AHNAK: variants seen among roughly 807,000 people sequenced by gnomAD.
AHNAK encodes the protein AHNAK nucleoprotein.
A neutral mutation model predicts 37.8 loss-of-function variants in AHNAK; 23 were observed. The observed-to-expected ratio is 0.61, with a 90% CI of 0.44 to 0.86. The LOEUF is 0.86. Ranked by LOEUF, AHNAK falls within the 40% of genes least tolerant of loss-of-function variation. The pLI, the probability that AHNAK is intolerant of heterozygous loss-of-function variation, is 0.00. For missense variants in AHNAK, 7,411 were observed against 7,319.4 expected (o/e 1.01, Z -0.46); for synonymous variants, 2,481 against 2,636.3 (o/e 0.94, Z 1.80).
intron 5 of AHNAK, among the ~76,000 whole-genome samples, chr11:62,482,375 A>G (rs1250045558): frequency 6.6e-6 from 1 of 151,682 alleles, no homozygotes; most frequent in Non-Finnish European, 1.5e-5. Context: ...AGATCGCGCC[A>G]CTGCACTCCA....
At chr11:62,462,503 A>T (rs370749910) in intron 5 of AHNAK, among the ~76,000 whole-genome samples, 2 of 152,304 alleles carry the variant, frequency 1.3e-5, no homozygotes, top group East Asian at 3.9e-4. Flanking sequence ...CCTCAAAAGC[A>T]GCCAAGCACA....
In AHNAK at chr11:62,475,697, T is replaced by C. The variant is rs184189563; in HGVS notation, c.442+16035A>G. On this transcript the variant is annotated intron_variant, in intron 5 of 5. Transcript: ENST00000257247. Reference sequence around the variant, plus strand: ...TCAGCTCACCGAAACCTCTGCCTTCTGGTCTCAGGTGATTCTCCTGCCCCA... The same window carrying C: ...TCAGCTCACCGAAACCTCTGCCTTCCGGTCTCAGGTGATTCTCCTGCCCCA... Among the ~76,000 whole-genome samples the C allele has an allele frequency of 2.1e-3, 312 of 146,766 alleles. 1 individual carries two copies. The highest frequency in any genetic ancestry group is 7.6e-3 in the African/African-American group (302 of 39,596).
In AHNAK at chr11:62,533,419, G is replaced by A. The variant is rs1264138746; in HGVS notation, c.998C>T (p.Ala333Val). ...CTTGTGCCCCACAGAGACTTCAGGTGCAGAAACCCTCAGCCCTGCCTTTGG... is the reference window on the plus strand; with the variant it reads ...CTTGTGCCCCACAGAGACTTCAGGTACAGAAACCCTCAGCCCTGCCTTTGG... ...QTPKAGLRVS[A>V]PEVSVGHKGG... The change falls in exon 5 of 5, where the codon GCA becomes GTA. Residue 333 changes from alanine to valine, a missense_variant. Physicochemically the swap from Ala to Val is moderately conservative, Grantham distance 64. Transcript: ENST00000378024. The A allele has an allele frequency of 6.2e-7, 1 of 1,610,518 alleles. No individual in the cohort carries two copies. Among genetic ancestry groups the A allele is most frequent in the Non-Finnish European group, 8.5e-7 (1 of 1,178,024 alleles).
intron 5 of AHNAK, among the ~76,000 whole-genome samples, chr11:62,444,144 C>T (rs1330694945): frequency 6.6e-6 from 1 of 152,212 alleles, no homozygotes; most frequent in Non-Finnish European, 1.5e-5. Flanking sequence ...CACCCGGCCT[C>T]GTAACAACCC....
At chr11:62,540,679 AAAG>A (rs1941093522) in intron 1 of AHNAK, among the ~76,000 whole-genome samples, 1 of 152,224 alleles carries the variant, frequency 6.6e-6, no homozygotes, top group Non-Finnish European at 1.5e-5. Flanking sequence ...TTAAATAAAA[AAAG>A]AAGGAGCAGG....
At chr11:62,489,146 C>G (rs1443890455) in intron 5 of AHNAK, among the ~76,000 whole-genome samples, 3 of 151,156 alleles carry the variant, frequency 2.0e-5, no homozygotes, top group Non-Finnish European at 4.4e-5. Flanking sequence ...GAGGCTGAGG[C>G]AGGAGGATTG....
At chr11:62,485,969 CGA>C (rs1311678266) in intron 5 of AHNAK, among the ~76,000 whole-genome samples, 2 of 144,918 alleles carry the variant, frequency 1.4e-5, no homozygotes, top group Non-Finnish European at 3.0e-5. Context: ...TGCAGTGAGC[CGA>C]GATTGCACCA....
chr11:62,478,037 A>G, intron 5 of AHNAK, among the ~76,000 whole-genome samples: 1 of 152,108 alleles, frequency 6.6e-6, no homozygotes, highest in South Asian at 2.1e-4. Flanking sequence ...AGCAAAGGGA[A>G]GTCAGGTGGA....
Position 62,533,426 on chromosome 11 carries a change from C to A in AHNAK, c.991G>T (p.Val331Phe). 1 of 1,611,786 alleles carries A rather than the reference C, an allele frequency of 6.2e-7. No homozygotes were observed. The highest frequency in any genetic ancestry group is 1.1e-5 in the South Asian group (1 of 90,646). The change falls in exon 5 of 5, where the codon GTT (valine) becomes TTT (phenylalanine). Residue 331 changes from valine (V) to phenylalanine (F), a missense_variant. Val to Phe is a conservative substitution (Grantham distance 50). Coordinates refer to ENST00000378024, the MANE Select transcript of AHNAK (RefSeq NM_001620.3). ...EGQTPKAGLR[V>F]SAPEVSVGHK... ...CCCACAGAGACTTCAGGTGCAGAAA[C>A]CCTCAGCCCTGCCTTTGGTGTCTGG... is the stretch of plus-strand genomic sequence containing the variant.
chr11:62,494,247 T>C (rs1199739426), intron 4 of AHNAK, among the ~76,000 whole-genome samples: 1 of 152,122 alleles, frequency 6.6e-6, no homozygotes, highest in Non-Finnish European at 1.5e-5. Context: ...AAAACAATCC[T>C]GTCTTTCCCA....
chr11:62,531,793 A>G lies in AHNAK; in HGVS notation c.2624T>C (p.Leu875Pro), dbSNP rs79183101. 6.6e-3 allele frequency: 10,578 copies of G among 1,613,514 alleles called. 597 individuals are homozygous for G. The African/African-American group carries it at 0.12, about 19-fold the overall frequency. The change falls in exon 5 of 5, where the codon CTG (leucine) becomes CCG (proline). Residue 875 changes from leucine (L) to proline (P), a missense_variant. Leu to Pro is a moderately conservative substitution (Grantham distance 98). Coordinates refer to ENST00000378024, the MANE Select transcript of AHNAK (RefSeq NM_001620.3). ...GGGCATTTTCATCTTGGGCATCTTCAGGTGCCAGTCTGGGCCTTGAACCTC... is the reference window on the plus strand; with the variant it reads ...GGGCATTTTCATCTTGGGCATCTTCGGGTGCCAGTCTGGGCCTTGAACCTC... ...DVEVQGPDWH[L>P]KMPKMKMPKF...
chr11:62,462,936 G>T lies in AHNAK; in HGVS notation c.442+28796C>A, dbSNP rs541810142. On this transcript the variant is annotated intron_variant, in intron 5 of 5. Coordinates refer to the AHNAK transcript ENST00000257247. ...ACCTGAGGTCAGGAGTTTGAGACCA[G>T]CCTGGTCAACATGGAGAAACCCCGT... 2.6e-5 allele frequency among the ~76,000 whole-genome samples: 4 copies of T among 152,172 alleles called. No homozygotes were observed. In the East Asian group the frequency reaches 7.7e-4, roughly 29 times the overall value.
At chr11:62,484,036 CAAAAA>C (rs56402861) in intron 5 of AHNAK, among the ~76,000 whole-genome samples, 1 of 78,236 alleles carries the variant, frequency 1.3e-5, no homozygotes, top group Admixed American at 1.8e-4. Flanking sequence ...GACTCCATCT[CAAAAA>C]AAAAAAAAAA....
At chr11:62,539,087 C>T (rs796686072) in intron 1 of AHNAK, among the ~76,000 whole-genome samples, 19 of 152,264 alleles carry the variant, frequency 1.2e-4, no homozygotes, top group African/African-American at 4.1e-4. Flanking sequence ...TGCAAACTGG[C>T]GAAAACACCT....
At position 62,517,389 on chromosome 11, in the gene AHNAK, T is replaced by A; in HGVS notation, c.17028A>T (p.Arg5676Ser). 6.2e-7 allele frequency: 1 copy of A among 1,614,202 alleles called. No homozygotes were observed. Among genetic ancestry groups the A allele is most frequent in the Non-Finnish European group, 8.5e-7 (1 of 1,180,022 alleles). The change falls in exon 5 of 5, where the codon AGA becomes AGT. Residue 5676 changes from arginine to serine, a missense_variant. Physicochemically the swap from Arg to Ser is moderately radical, Grantham distance 110. Transcript: ENST00000378024. ...GGAAGTGAACATCCACCCCCATTTC[T>A]CTGCCAACCAGCTCACGGCCAGAGA... The part of the protein sequence containing the change: ...FTFSGRELVG[R>S]EMGVDVHFPK...
At chr11:62,454,209 C>G (rs1296251092) in intron 5 of AHNAK, among the ~76,000 whole-genome samples, 1 of 151,404 alleles carries the variant, frequency 6.6e-6, no homozygotes, top group African/African-American at 2.4e-5. Flanking sequence ...GTCAGGAGAT[C>G]TAGACCATCC....
chr11:62,442,996 G>A (rs1262736679), intron 5 of AHNAK, among the ~76,000 whole-genome samples: 1 of 151,578 alleles, frequency 6.6e-6, no homozygotes, highest in African/African-American at 2.4e-5. Flanking sequence ...TTTTGAGACA[G>A]AGTCTCGCTC....
In AHNAK at chr11:62,491,809, A is replaced by C. The variant is rs1283912315; in HGVS notation, c.365T>G (p.Leu122Arg). ...CTGTTTGTTCTGGTCTTTGCATTCC[A>C]GTGCTGATGGCTGTGGTGTGTTCTA... Residue 122 changes from leucine (L) to arginine (R), a missense_variant, in exon 5 of 6, where the codon CTG becomes CGG. Physicochemically the swap from Leu to Arg is moderately radical, Grantham distance 102. Coordinates refer to the AHNAK transcript ENST00000257247. The C allele has an allele frequency of 2.5e-6, 4 of 1,612,642 alleles. No homozygotes were observed. In the East Asian group the frequency reaches 8.9e-5, roughly 36 times the overall value.
rs915127593 is a variant in AHNAK, at chr11:62,533,676, G to A, written c.741C>T (p.Thr247=). The A allele has an allele frequency of 2.5e-6, 4 of 1,613,992 alleles. No individual in the cohort carries two copies. The African/African-American group carries it at 5.3e-5, about 22-fold the overall frequency. The change falls in exon 5 of 5, where the codon ACC becomes ACT. Residue 247 remains threonine (T), a synonymous_variant. Coordinates refer to ENST00000378024, the MANE Select transcript of AHNAK (RefSeq NM_001620.3). ...AGCCTCCCACCTTTATCCCAGGCATGGTGACCTGGAGCTTCGAGTGGCCAG... is the reference window on the plus strand; with the variant it reads ...AGCCTCCCACCTTTATCCCAGGCATAGTGACCTGGAGCTTCGAGTGGCCAG... ...QGAGHSKLQV[T]MPGIKVGGSG...
Sources: gnomAD v4.1 joint callset for allele counts (sites outside exome capture counted in the v4.1 genomes callset) on GRCh38, gnomAD v4.1.1 for gene constraint, MANE v1.5 for transcripts, NCBI Gene and HGNC (gene_info 2026-07-23, HGNC 2026-07-21) for gene names.